DOK5: variants seen among roughly 807,000 people sequenced by gnomAD.
DOK5 encodes the protein docking protein 5, also known as downstream of tyrosine kinase 5.
Under a neutral mutation model 43.3 loss-of-function variants are expected in DOK5, and 27 were observed. That is an observed-to-expected ratio of 0.62 (90% CI 0.46 to 0.86). The LOEUF is 0.86. Among genes scored for constraint, DOK5 ranks in the 40% least tolerant of loss-of-function variants. The pLI is 0.00. For synonymous variants in DOK5, 146 were observed against 140.1 expected (o/e 1.04, Z -0.30); for missense variants, 373 against 392.9 (o/e 0.95, Z 0.43).
At chr20:54,497,853 A>G (rs1246659810) in intron 1 of DOK5, among the ~76,000 whole-genome samples, 2 of 152,148 alleles carry the variant, frequency 1.3e-5, no homozygotes, top group African/African-American at 2.4e-5. Flanking sequence ...TTATTTATTC[A>G]TTTATACAGT....
intron 6 of DOK5, among the ~76,000 whole-genome samples, chr20:54,620,750 A>T (rs1471268681): frequency 6.6e-6 from 1 of 152,164 alleles, no homozygotes; most frequent in East Asian, 1.9e-4. Flanking sequence ...TGATGCGTAC[A>T]CAAATGTTCA....
At chr20:54,621,378 C>T (rs1986972097) in intron 6 of DOK5, among the ~76,000 whole-genome samples, 1 of 152,110 alleles carries the variant, frequency 6.6e-6, no homozygotes. Context: ...AGGGAGGGTT[C>T]TTTCACTTCA....
chr20:54,602,040 C>T lies in DOK5; in HGVS notation c.600-8348C>T, dbSNP rs148218771. 8.0e-3 allele frequency among the ~76,000 whole-genome samples: 1,220 copies of T among 152,298 alleles called. 15 individuals carry two copies. Among genetic ancestry groups the T allele is most frequent in the African/African-American group, 0.025 (1,040 of 41,568 alleles). On this transcript the variant is annotated intron_variant, in intron 5 of 7. Coordinates refer to ENST00000262593, the MANE Select transcript of DOK5 (RefSeq NM_018431.5). ...CTTAGTCATTCTTGCTTCCCTACTG[C>T]TGTTCTGGGTTGCAGCTGCCCGCAT...
intron 4 of DOK5, among the ~76,000 whole-genome samples, chr20:54,590,867 T>G (rs1312975274): frequency 3.3e-5 from 5 of 152,328 alleles, no homozygotes; most frequent in Admixed American, 3.3e-4. Context: ...ACTCAAAAAC[T>G]TCTTAATGAA....
At chr20:54,647,208 T>C (rs1237493696) in intron 7 of DOK5, among the ~76,000 whole-genome samples, 2 of 151,888 alleles carry the variant, frequency 1.3e-5, no homozygotes, top group African/African-American at 2.4e-5. Context: ...TGGAAGTAGG[T>C]TTATAATGAA....
chr20:54,572,148 T>C (rs1985302776), intron 2 of DOK5, among the ~76,000 whole-genome samples: 1 of 152,184 alleles, frequency 6.6e-6, no homozygotes, highest in Non-Finnish European at 1.5e-5. Context: ...AATTAACCTC[T>C]TTATGTTGCA....
At chr20:54,478,753 A>G (rs187144137) in intron 1 of DOK5, among the ~76,000 whole-genome samples, 3 of 152,326 alleles carry the variant, frequency 2.0e-5, no homozygotes, top group East Asian at 3.9e-4. Context: ...AATGAACACT[A>G]TTTAATGTTC....
intron 1 of DOK5, among the ~76,000 whole-genome samples, chr20:54,528,018 C>A (rs2146702957): frequency 6.6e-6 from 1 of 152,260 alleles, no homozygotes; most frequent in South Asian, 2.1e-4. Context: ...ACCAGCCTGA[C>A]CAACATGGTG....
intron 1 of DOK5, among the ~76,000 whole-genome samples, chr20:54,530,547 T>C (rs1983734060): frequency 6.6e-6 from 1 of 152,194 alleles, no homozygotes; most frequent in South Asian, 2.1e-4. Flanking sequence ...CCAAGCCTCC[T>C]CTTCTCTACT....
At chr20:54,546,555 G>C (rs1368484782) in intron 1 of DOK5, among the ~76,000 whole-genome samples, 20 of 121,656 alleles carry the variant, frequency 1.6e-4, no homozygotes, top group African/African-American at 5.8e-4. Context: ...CCCCTCCCCT[G>C]ACCCCACAGC....
chr20:54,543,905 G>T (rs1047945831), intron 1 of DOK5, among the ~76,000 whole-genome samples: 7 of 152,076 alleles, frequency 4.6e-5, no homozygotes, highest in Non-Finnish European at 1.0e-4. Context: ...TTTTTCTCCA[G>T]AGAGCCCTAT....
At chr20:54,648,570 T>C (rs6014108) in intron 7 of DOK5, among the ~76,000 whole-genome samples, 88,349 of 151,146 alleles carry the variant, frequency 0.58, 29,622 homozygotes, top group East Asian at 1. Flanking sequence ...GGTCAGCAAA[T>C]GCAAAGGCCC....
At chr20:54,624,137 G>A (rs1025340533) in intron 6 of DOK5, among the ~76,000 whole-genome samples, 5 of 152,138 alleles carry the variant, frequency 3.3e-5, no homozygotes, top group Non-Finnish European at 5.9e-5. Flanking sequence ...CCAGAAATAC[G>A]CACAGTCAGT....
At chr20:54,543,955 G>A (rs1192924108) in intron 1 of DOK5, among the ~76,000 whole-genome samples, 1 of 152,100 alleles carries the variant, frequency 6.6e-6, no homozygotes, top group East Asian at 1.9e-4. Flanking sequence ...TTTCCTCAAA[G>A]GGAAGTTCCT....
chr20:54,485,399 T>C (rs1981893381), intron 1 of DOK5, among the ~76,000 whole-genome samples: 3 of 151,568 alleles, frequency 2.0e-5, no homozygotes. Context: ...CCATACAGTA[T>C]GTAATGTTTG....
chr20:54,529,740 A>G (rs1983704435), intron 1 of DOK5, among the ~76,000 whole-genome samples: 6 of 152,144 alleles, frequency 3.9e-5, no homozygotes, highest in African/African-American at 1.4e-4. Context: ...CCCTTCCATC[A>G]ATTTCTGAAA....
chr20:54,501,802 A>G (rs1568756880), intron 1 of DOK5, among the ~76,000 whole-genome samples: 1 of 152,256 alleles, frequency 6.6e-6, no homozygotes, highest in Admixed American at 6.5e-5. Flanking sequence ...TGTTCAGCAC[A>G]TTAATAAATG....
In DOK5 at chr20:54,495,873, C is replaced by T. The variant is rs575716594; in HGVS notation, c.66+19861C>T. On this transcript the variant is annotated intron_variant, in intron 1 of 7. Coordinates refer to ENST00000262593, the MANE Select transcript of DOK5 (RefSeq NM_018431.5). ...TTTCAGCCTGGGCAACAGAGTGAGA[C>T]GCCATCTCAAAGAAAAAAAAAATTA... Among the ~76,000 whole-genome samples, 29 of 152,018 alleles carry T rather than the reference C, an allele frequency of 1.9e-4. No homozygotes were observed. In the South Asian group the frequency reaches 3.1e-3, roughly 16 times the overall value.
intron 2 of DOK5, among the ~76,000 whole-genome samples, chr20:54,576,043 A>G (rs989719010): frequency 6.6e-6 from 1 of 152,240 alleles, no homozygotes; most frequent in African/African-American, 2.4e-5. Context: ...GATCAGAGGC[A>G]GAAAACAAAG....
Sources: allele counts gnomAD v4.1 joint callset (sites outside exome capture counted in the v4.1 genomes callset), GRCh38; gene constraint gnomAD v4.1.1; transcripts MANE v1.5; gene names NCBI Gene and HGNC (gene_info 2026-07-23, HGNC 2026-07-21).